The following CD109 variants were observed in gnomAD, a reference collection of about 807,000 sequenced individuals.
CD109 encodes the protein CD109 antigen.
Under a neutral mutation model 165.8 loss-of-function variants are expected in CD109, and 149 were observed. The observed-to-expected ratio is 0.90, with a 90% confidence interval of 0.79 to 1.03. The LOEUF (loss-of-function observed/expected upper bound fraction) is 1.03, where lower values mean the gene tolerates loss of function less well. Among genes scored for constraint, CD109 ranks in the 50% least tolerant of loss-of-function variants. The pLI is 0.00. For synonymous variants in CD109, 585 were observed against 592.1 expected (o/e 0.99, Z 0.18); for missense variants, 1,712 against 1,677.8 (o/e 1.02, Z -0.36).
Position 73,816,641 on chromosome 6 carries a change from C to T in CD109, c.3911+1518C>T, listed in dbSNP as rs986919746. ...CCAGGCATGGTGTCTGTGTGTCAGGCGTGGGAATATAATTGTAAGCCAAAA... is the reference window on the plus strand; with the variant it reads ...CCAGGCATGGTGTCTGTGTGTCAGGTGTGGGAATATAATTGTAAGCCAAAA... On this transcript the variant is annotated intron_variant, in intron 30 of 32. Coordinates refer to ENST00000287097, the MANE Select transcript of CD109 (RefSeq NM_133493.5). 6.6e-5 allele frequency among the ~76,000 whole-genome samples: 10 copies of T among 152,136 alleles called. No homozygotes were observed. In the East Asian group the frequency reaches 1.2e-3, roughly 18 times the overall value.
upstream of CD109, among the ~76,000 whole-genome samples, chr6:73,693,209 T>C (rs1450105666): frequency 5.3e-5 from 8 of 152,018 alleles, no homozygotes; most frequent in African/African-American, 1.2e-4. Context: ...AAGCATGACA[T>C]TGGCATTTGC....
At chr6:73,692,399 T>C (rs961025828), upstream of CD109, among the ~76,000 whole-genome samples, 7 of 152,326 alleles carry the variant, frequency 4.6e-5, no homozygotes, top group South Asian at 2.1e-4. Context: ...ATATTATTAT[T>C]GTTTTCTTCT....
rs199660260 is a variant in CD109, at chr6:73,759,022, C to T, written c.752C>T (p.Thr251Met). ...MNSKHLNGTI[T>M]AKYTYGKPVK... ...TCTAAGCATTTAAATGGTACCATCA[C>T]GGCAAAGTAAGTGTCATTTTTCTTT... The change falls in exon 7 of 33, where the codon ACG (threonine) becomes ATG (methionine). Residue 251 changes from threonine (T) to methionine (M), a missense_variant. Coordinates refer to ENST00000287097, the MANE Select transcript of CD109 (RefSeq NM_133493.5). 84 of 1,585,136 alleles carry T rather than the reference C, an allele frequency of 5.3e-5. No individual in the cohort carries two copies. The highest frequency in any genetic ancestry group is 2.6e-4 in the South Asian group (23 of 89,902).
chr6:73,691,671 C>T (rs7770173), upstream of CD109, among the ~76,000 whole-genome samples: 212 of 152,300 alleles, frequency 1.4e-3, no homozygotes, highest in African/African-American at 4.8e-3. Flanking sequence ...TAGCTTTTCT[C>T]CCCTGGCTGA....
In CD109 at chr6:73,807,005, G is replaced by A. The variant is rs1775590144; in HGVS notation, c.3122G>A (p.Gly1041Asp). 1.2e-6 allele frequency: 2 copies of A among 1,613,886 alleles called. No homozygotes were observed. Among genetic ancestry groups the A allele is most frequent in the African/African-American group, 1.3e-5 (1 of 74,910 alleles). ...GTGATTCATAGTGAGCTTCAAGGTG[G>A]CAATAAAAGTCCAGTAACACTTACA... ...GRVIHSELQG[G>D]NKSPVTLTAY... Residue 1041 changes from glycine (G) to aspartate (D), a missense_variant, in exon 25 of 33, where the codon GGC becomes GAC. Transcript: ENST00000287097.
chr6:73,715,010 G>A (rs558651204), intron 2 of CD109, among the ~76,000 whole-genome samples: 30 of 152,360 alleles, frequency 2.0e-4, no homozygotes, highest in African/African-American at 6.7e-4. Context: ...TGTAATCCCA[G>A]CACTTTGGGA....
intron 2 of CD109, among the ~76,000 whole-genome samples, chr6:73,710,331 TC>T (rs1172401907): frequency 6.6e-6 from 1 of 152,026 alleles, no homozygotes; most frequent in African/African-American, 2.4e-5. Flanking sequence ...ATGAGTGAAC[TC>T]CCATTCACAA....
At chr6:73,781,800 C>T (rs1774515097) in intron 17 of CD109, among the ~76,000 whole-genome samples, 1 of 137,270 alleles carries the variant, frequency 7.3e-6, no homozygotes, top group South Asian at 2.3e-4. Context: ...CACACAGAGA[C>T]ATAGACACAC....
At position 73,733,083 on chromosome 6, in the gene CD109, A is replaced by G. The variant is rs1441501912; in HGVS notation, c.507+2509A>G. On this transcript the variant is annotated intron_variant, in intron 4 of 32. Transcript: ENST00000287097. ...TTGTAACTTGCAGAGGCCAGGTGGGAGCAGTAATGTGAACTCTTTCAGCTG... is the reference window on the plus strand; with the variant it reads ...TTGTAACTTGCAGAGGCCAGGTGGGGGCAGTAATGTGAACTCTTTCAGCTG... 2.6e-5 allele frequency among the ~76,000 whole-genome samples: 4 copies of G among 152,114 alleles called. No individual in the cohort carries two copies. The East Asian group carries it at 7.7e-4, about 29-fold the overall frequency.
At chr6:73,756,783 C>A in intron 6 of CD109, 101 bp downstream of exon 6, 2 of 787,448 alleles carry the variant, frequency 2.5e-6, no homozygotes, top group Non-Finnish European at 3.9e-6. Flanking sequence ...GTAAAAATCT[C>A]AATGGAGTTA....
At chr6:73,710,513 C>T (rs1771488188) in intron 2 of CD109, among the ~76,000 whole-genome samples, 1 of 152,110 alleles carries the variant, frequency 6.6e-6, no homozygotes, top group African/African-American at 2.4e-5. Context: ...AATGGCCATA[C>T]TGCCCAATTT....
At position 73,767,928 on chromosome 6, in the gene CD109, C is replaced by G. The variant is rs1386536192; in HGVS notation, c.1498-127C>G. 3 of 778,342 alleles carry G rather than the reference C, an allele frequency of 3.9e-6. No individual in the cohort carries two copies. In the African/African-American group the frequency reaches 5.3e-5, roughly 14 times the overall value. 48.2% of individuals were successfully genotyped at this position (778,342 alleles called of 1,614,324 possible). A position where few individuals can be genotyped will look rare whatever the true frequency, so the allele number is the denominator to read the frequency against. On this transcript the variant is annotated intron_variant, in intron 13 of 32. Transcript: ENST00000287097. ...TTTGTCAGAGAGGTTTTCCTGCATT[C>G]CAAAAGACTTTGAAGCTGGTTTAAT... is the stretch of plus-strand genomic sequence containing the variant.
intron 9 of CD109, among the ~76,000 whole-genome samples, chr6:73,763,298 C>T (rs1288562769): frequency 2.6e-5 from 4 of 152,098 alleles, no homozygotes; most frequent in Non-Finnish European, 5.9e-5. Context: ...TTAGCCAATC[C>T]CTGAAAGAGC....
chr6:73,784,698 G>A (rs901863484), intron 19 of CD109, among the ~76,000 whole-genome samples: 2 of 152,226 alleles, frequency 1.3e-5, no homozygotes, highest in Non-Finnish European at 2.9e-5. Flanking sequence ...GGCCTTTTCT[G>A]TAGGACTTGG....
At chr6:73,798,623 G>A (rs1394412583) in intron 23 of CD109, among the ~76,000 whole-genome samples, 1 of 152,170 alleles carries the variant, frequency 6.6e-6, no homozygotes, top group Non-Finnish European at 1.5e-5. Flanking sequence ...GATTCTCGGT[G>A]TTATCTAAGC....
Position 73,788,618 on chromosome 6 carries a change from A to G in CD109, c.2701+6A>G, listed in dbSNP as rs1488429420. 4.4e-6 allele frequency: 7 copies of G among 1,606,140 alleles called. No homozygotes were observed. The highest frequency in any genetic ancestry group is 1.3e-5 in the African/African-American group (1 of 74,690). On this transcript the variant is annotated splice_donor_region_variant and intron_variant, in intron 22 of 32. Coordinates refer to ENST00000287097, the MANE Select transcript of CD109 (RefSeq NM_133493.5). ...AGTTCAGATCACTGCAATTGGTAAG[A>G]ATAGAGTATATCACCATCTATTGGT...
At chr6:73,688,775 T>A in the CD109 span, among the ~76,000 whole-genome samples, 3 of 138,348 alleles carry the variant, frequency 2.2e-5, no homozygotes, top group Non-Finnish European at 4.7e-5. Flanking sequence ...TTTTTTTTTT[T>A]TTTTTTTTTT....
chr6:73,687,770 A>G, the CD109 span, among the ~76,000 whole-genome samples: 1 of 152,154 alleles, frequency 6.6e-6, no homozygotes, highest in Admixed American at 6.5e-5. Context: ...CAGGGACCTA[A>G]AATGTGCTTG....
At chr6:73,697,786 T>C (rs1770908562) in intron 2 of CD109, among the ~76,000 whole-genome samples, 1 of 152,200 alleles carries the variant, frequency 6.6e-6, no homozygotes, top group African/African-American at 2.4e-5. Context: ...ATTTTGTGGC[T>C]CCATTATCAT....
Sources: gnomAD v4.1 joint callset for allele counts (sites outside exome capture counted in the v4.1 genomes callset) on GRCh38, gnomAD v4.1.1 for gene constraint, MANE v1.5 for transcripts, NCBI Gene and HGNC (gene_info 2026-07-23, HGNC 2026-07-21) for gene names.